Variants in SRPRB observed in about 807,000 individuals in gnomAD.
SRPRB encodes SRP receptor subunit beta.
A neutral mutation model predicts 31.9 loss-of-function variants in SRPRB; 20 were observed. The ratio of observed to expected loss-of-function variants is 0.63; its 90% CI spans 0.44 to 0.91. The LOEUF is 0.91. Among genes scored for constraint, SRPRB ranks in the 40% least tolerant of loss-of-function variants. The pLI, the probability that SRPRB is intolerant of heterozygous loss-of-function variation, is 0.00. For synonymous variants in SRPRB, 146 were observed against 132.8 expected, an observed-to-expected ratio of 1.10 and a Z score of -0.68; for missense variants, 321 against 324.9, an observed-to-expected ratio of 0.99 and a Z score of 0.09.
chr3:133,805,647 AT>A, upstream of SRPRB: 1 of 504,996 alleles, frequency 2.0e-6, no homozygotes, highest in Non-Finnish European at 3.3e-6. Context: ...CCCTCGACAA[AT>A]AACCTGTCTG....
At chr3:133,819,036 A>C (rs9817549) in intron 6 of SRPRB, among the ~76,000 whole-genome samples, 131,205 of 151,982 alleles carry the variant, frequency 0.86, 57,069 homozygotes, top group Non-Finnish European at 0.91. Flanking sequence ...CAGTAAGGGG[A>C]CTTACATTGG....
At chr3:133,798,621 G>T (rs560988157) in intron 1 of SRPRB, among the ~76,000 whole-genome samples, 5 of 152,248 alleles carry the variant, frequency 3.3e-5, no homozygotes, top group African/African-American at 1.2e-4. Flanking sequence ...AGTTGGTGTA[G>T]TGTTTTCTTG....
At chr3:133,816,079 G>A (rs530069996) in intron 5 of SRPRB, among the ~76,000 whole-genome samples, 7 of 152,154 alleles carry the variant, frequency 4.6e-5, no homozygotes, top group Non-Finnish European at 1.0e-4. Context: ...TTTCAAACAA[G>A]TTTACTGTAC....
chr3:133,784,108 C>CGA (rs1934584381), exon 1 of SRPRB: 2 of 152,284 alleles, frequency 1.3e-5, no homozygotes, highest in Admixed American at 1.3e-4. Context: ...CACCTAGTCC[C>CGA]GAGGACAACC....
intron 3 of SRPRB, chr3:133,810,771 T>G (rs1935248063): frequency 5.1e-6 from 1 of 197,350 alleles, no homozygotes; most frequent in Non-Finnish European, 1.0e-5. Context: ...TTTGCTATAC[T>G]CACACTGGTT....
At chr3:133,814,206 G>A (rs770730235) in intron 4 of SRPRB, among the ~76,000 whole-genome samples, 2 of 145,868 alleles carry the variant, frequency 1.4e-5, no homozygotes, top group East Asian at 2.0e-4. Context: ...ATCTTGGCTC[G>A]CTGCAAGCTC....
At chr3:133,785,042 A>G (rs1181186035) in intron 1 of SRPRB, 1 of 83,224 alleles carries the variant, frequency 1.2e-5, no homozygotes, top group Non-Finnish European at 2.8e-5. Context: ...CTGGGAGGTG[A>G]GGGGCGCCTC....
chr3:133,812,540 A>T (rs962846335), intron 4 of SRPRB, among the ~76,000 whole-genome samples: 3 of 152,260 alleles, frequency 2.0e-5, no homozygotes, highest in Non-Finnish European at 4.4e-5. Context: ...TATAATCATG[A>T]TAACATGCAA....
At chr3:133,799,379 TG>T in intron 1 of SRPRB, among the ~76,000 whole-genome samples, 1 of 152,188 alleles carries the variant, frequency 6.6e-6, no homozygotes, top group African/African-American at 2.4e-5. Flanking sequence ...CTATATGAAC[TG>T]CTGGGGAAAG....
intron 5 of SRPRB, 51 bp from the exon 6 acceptor site, chr3:133,816,827 G>GA (rs748880499): frequency 3.4e-6 from 5 of 1,484,802 alleles, no homozygotes; most frequent in South Asian, 1.3e-5. Context: ...AAGTCTTGGG[G>GA]AAAAAACTCA....
intron 1 of SRPRB, among the ~76,000 whole-genome samples, chr3:133,799,653 T>A (rs1236581756): frequency 6.6e-6 from 1 of 152,180 alleles, no homozygotes; most frequent in Non-Finnish European, 1.5e-5. Context: ...AATCTGAATT[T>A]TGCAGTTCCT....
chr3:133,806,551 G>C (rs1471095756), intron 1 of SRPRB, 58 bp from the exon 2 acceptor site: 1 of 1,326,714 alleles, frequency 7.5e-7, no homozygotes, highest in Non-Finnish European at 1.1e-6. Flanking sequence ...CCCCAGCCAT[G>C]CACATATACT....
intron 3 of SRPRB, among the ~76,000 whole-genome samples, chr3:133,808,167 T>G (rs1935196901): frequency 6.6e-6 from 1 of 152,210 alleles, no homozygotes; most frequent in Non-Finnish European, 1.5e-5. Context: ...GGGACAAAAA[T>G]TCAAAAGGTT....
At chr3:133,811,588 G>GT (rs56096910) in intron 4 of SRPRB, among the ~76,000 whole-genome samples, 49,812 of 143,498 alleles carry the variant, frequency 0.35, 8,569 homozygotes, top group Middle Eastern at 0.4. Context: ...GTGTTTTTTT[G>GT]TTTTTTTTTT....
At chr3:133,822,940 C>T (rs191084678), downstream of SRPRB, among the ~76,000 whole-genome samples, 12 of 152,334 alleles carry the variant, frequency 7.9e-5, no homozygotes, top group East Asian at 2.3e-3. Context: ...CGCATTTATC[C>T]ATTGGGTAAA....
Position 133,820,510 on chromosome 3 carries a change from C to T in SRPRB, c.*744C>T, listed in dbSNP as rs1368242974. 6.6e-6 allele frequency: 1 copy of T among 152,180 alleles called. No homozygotes were observed. Among genetic ancestry groups the T allele is most frequent in the Non-Finnish European group, 1.5e-5 (1 of 68,106 alleles). 9.4% of individuals were successfully genotyped at this position (152,180 alleles called of 1,614,324 possible). A position where few individuals can be genotyped will look rare whatever the true frequency, so the allele number is the denominator to read the frequency against. On this transcript the variant is annotated 3_prime_UTR_variant, in exon 7 of 7. Coordinates refer to ENST00000678299, the MANE Select transcript of SRPRB (RefSeq NM_001379313.1). Reference sequence around the variant, plus strand: ...TGGAGATTTAGGTGCTGCTCTGCTGCTCTGGATGGCTGAAGGCTCCTGGGC... The same window carrying T: ...TGGAGATTTAGGTGCTGCTCTGCTGTTCTGGATGGCTGAAGGCTCCTGGGC...
At chr3:133,812,826 CT>C (rs1252768899) in intron 4 of SRPRB, among the ~76,000 whole-genome samples, 1 of 152,140 alleles carries the variant, frequency 6.6e-6, no homozygotes, top group African/African-American at 2.4e-5. Flanking sequence ...CCCATCCATA[CT>C]TTTTTTTCCT....
chr3:133,814,307 AT>A (rs1170277527), intron 4 of SRPRB, among the ~76,000 whole-genome samples: 1 of 151,752 alleles, frequency 6.6e-6, no homozygotes, highest in Non-Finnish European at 1.5e-5. Context: ...AATTTTTTGT[AT>A]TTTTAGGAGA....
intron 1 of SRPRB, chr3:133,788,810 G>C (rs559647442): frequency 1.3e-5 from 2 of 152,240 alleles, no homozygotes; most frequent in Admixed American, 6.5e-5. Context: ...TTGCAGCTCA[G>C]GGTGAACTTG....
Sources: allele counts gnomAD v4.1 joint callset (sites outside exome capture counted in the v4.1 genomes callset), GRCh38; gene constraint gnomAD v4.1.1; transcripts MANE v1.5; gene names NCBI Gene and HGNC (gene_info 2026-07-23, HGNC 2026-07-21).